The following RNF168 variants were observed in gnomAD, a reference collection of about 807,000 sequenced individuals.
The protein encoded by RNF168 is ring finger protein 168, also known as E3 ubiquitin-protein ligase RNF168.
In RNF168, 34 loss-of-function variants were observed where a neutral mutation model predicts 34.9. The observed-to-expected ratio is 0.97, with a 90% CI of 0.74 to 1.30. The LOEUF (loss-of-function observed/expected upper bound fraction) is 1.30. Among genes scored for constraint, RNF168 ranks in the 50% most tolerant of loss-of-function variants. The pLI, the probability that RNF168 is intolerant of heterozygous loss-of-function variation, is 0.00. For synonymous variants in RNF168, 264 were observed against 254.7 expected (o/e 1.04, Z -0.35); for missense variants, 725 against 682.5 (o/e 1.06, Z -0.69).
intron 1 of RNF168, among the ~76,000 whole-genome samples, chr3:196,497,493 A>G (rs147136479): frequency 6.6e-6 from 1 of 152,064 alleles, no homozygotes; most frequent in Non-Finnish European, 1.5e-5. Context: ...AACATGGTGA[A>G]GCCCCATCTC....
chr3:196,477,288 C>G (rs1732172982), intron 4 of RNF168, among the ~76,000 whole-genome samples: 1 of 152,056 alleles, frequency 6.6e-6, no homozygotes, highest in African/African-American at 2.4e-5. Flanking sequence ...GGGTGATTTT[C>G]AAAGAGCAGC....
At chr3:196,500,847 G>C (rs1029939374) in intron 1 of RNF168, among the ~76,000 whole-genome samples, 1 of 151,714 alleles carries the variant, frequency 6.6e-6, no homozygotes, top group African/African-American at 2.4e-5. Flanking sequence ...GAGTAGCTGG[G>C]ACTACAGGCG....
chr3:196,500,864 A>ACT, intron 1 of RNF168, among the ~76,000 whole-genome samples: 5 of 151,374 alleles, frequency 3.3e-5, no homozygotes, highest in African/African-American at 1.2e-4. Context: ...GGCGCGTGCC[A>ACT]ACATGCCCGG....
Position 196,503,554 on chromosome 3 carries a change from T to C in RNF168, c.-381A>G. 7.2e-6 allele frequency: 2 copies of C among 278,262 alleles called. No individual in the cohort carries two copies. Among genetic ancestry groups the C allele is most frequent in the Non-Finnish European group, 1.4e-5 (2 of 140,870 alleles). 17.2% of individuals were successfully genotyped at this position (278,262 alleles called of 1,614,324 possible). On this transcript the variant is annotated 5_prime_UTR_variant, in exon 1 of 6. Coordinates refer to ENST00000318037, the MANE Select transcript of RNF168 (RefSeq NM_152617.4). ...ACCCGGAAAGGATGCTCCGCTCAGC[T>C]CGGGGCAGCCGGGCCCCGGGACGCG...
chr3:196,475,734 T>C (rs1049888984), intron 4 of RNF168, among the ~76,000 whole-genome samples: 4 of 151,124 alleles, frequency 2.6e-5, no homozygotes, highest in South Asian at 2.1e-4. Context: ...GTATTTTTAG[T>C]AGAGACGAGG....
Position 196,500,719 on chromosome 3 carries a change from T to TC in RNF168, c.301+2153_301+2154insG, listed in dbSNP as rs537349631. Among the ~76,000 whole-genome samples the TC allele has an allele frequency of 1.6e-3, 246 of 149,862 alleles. 1 individual carries two copies. The highest frequency in any genetic ancestry group is 5.4e-3 in the African/African-American group (219 of 40,276). On this transcript the variant is annotated intron_variant, in intron 1 of 5. Coordinates refer to ENST00000318037, the MANE Select transcript of RNF168 (RefSeq NM_152617.4). ...TAATCTTGCTATATTTTACCACAATTTTTTTTTTTTGAAACGGAGTCTCGC... is the reference window on the plus strand; with the variant it reads ...TAATCTTGCTATATTTTACCACAATTCTTTTTTTTTTGAAACGGAGTCTCGC...
intron 4 of RNF168, among the ~76,000 whole-genome samples, chr3:196,475,740 C>T (rs1449786201): frequency 1.3e-4 from 20 of 151,174 alleles, no homozygotes; most frequent in African/African-American, 4.1e-4. Flanking sequence ...TTAGTAGAGA[C>T]GAGGTTTCAC....
chr3:196,473,837 C>A (rs1217972940), intron 5 of RNF168, among the ~76,000 whole-genome samples: 1 of 150,920 alleles, frequency 6.6e-6, no homozygotes, highest in Non-Finnish European at 1.5e-5. Context: ...AACAAACAAG[C>A]AAAAAAAAAA....
At chr3:196,500,220 A>G (rs1220102277) in intron 1 of RNF168, among the ~76,000 whole-genome samples, 1 of 152,258 alleles carries the variant, frequency 6.6e-6, no homozygotes, top group Non-Finnish European at 1.5e-5. Flanking sequence ...TCACACCAGC[A>G]TTATTTCTAA....
intron 1 of RNF168, among the ~76,000 whole-genome samples, chr3:196,493,323 A>G (rs115886366): frequency 0.02 from 3,018 of 152,342 alleles, 100 homozygotes; most frequent in African/African-American, 0.068. Context: ...GAGTTATTCA[A>G]CTGCAGACAC....
chr3:196,475,860 T>TC (rs1490734313), intron 4 of RNF168, among the ~76,000 whole-genome samples: 1 of 147,416 alleles, frequency 6.8e-6, no homozygotes, highest in Non-Finnish European at 1.5e-5. Context: ...AAATATTTTT[T>TC]TTTCTTTTCT....
Position 196,503,227 on chromosome 3 carries a change from C to G in RNF168, c.-54G>C. ...AACGACACCTGCACGAAAAAGAATC[C>G]TATTTTCGGCCAACCACAGAGAGAG... On this transcript the variant is annotated 5_prime_UTR_variant, in exon 1 of 6. Coordinates refer to ENST00000318037, the MANE Select transcript of RNF168 (RefSeq NM_152617.4). 2.6e-6 allele frequency: 4 copies of G among 1,516,316 alleles called. No individual in the cohort carries two copies. Among genetic ancestry groups the G allele is most frequent in the Non-Finnish European group, 3.7e-6 (4 of 1,092,606 alleles). The allele number at this position is 1,516,316 out of a possible 1,614,324, so 93.9% of individuals were successfully genotyped here.
intron 4 of RNF168, among the ~76,000 whole-genome samples, chr3:196,478,745 C>A (rs1401560568): frequency 6.6e-6 from 1 of 151,786 alleles, no homozygotes; most frequent in Non-Finnish European, 1.5e-5. Context: ...CTGCTCACTG[C>A]AACCTCTGCC....
intron 1 of RNF168, among the ~76,000 whole-genome samples, chr3:196,498,812 T>C (rs1278291373): frequency 6.6e-6 from 1 of 151,972 alleles, no homozygotes; most frequent in Non-Finnish European, 1.5e-5. Context: ...CTGGGCAACA[T>C]GGTGAAACCC....
rs112751769 is a variant in RNF168, at chr3:196,487,388, C to T, written c.558+11G>A. ...GATGACCATACCTTAGCGTTCCCTCCTAAAACTTACAATATCAATGCTTAG... is the reference window on the plus strand; with the variant it reads ...GATGACCATACCTTAGCGTTCCCTCTTAAAACTTACAATATCAATGCTTAG... On this transcript the variant is annotated intron_variant, in intron 3 of 5. Coordinates refer to ENST00000318037, the MANE Select transcript of RNF168 (RefSeq NM_152617.4). The T allele has an allele frequency of 2.2e-5, 36 of 1,612,102 alleles. No individual in the cohort carries two copies. Among genetic ancestry groups the T allele is most frequent in the African/African-American group, 2.1e-4 (16 of 75,020 alleles).
intron 5 of RNF168, chr3:196,474,990 G>A (rs757618243): frequency 1.7e-5 from 8 of 478,368 alleles, no homozygotes; most frequent in Non-Finnish European, 2.7e-5. Context: ...CACACTAACT[G>A]CAAAGGCGAA....
intron 1 of RNF168, among the ~76,000 whole-genome samples, chr3:196,495,145 C>G (rs991556573): frequency 2.0e-5 from 3 of 151,874 alleles, no homozygotes; most frequent in Admixed American, 6.6e-5. Flanking sequence ...CATTTAGATT[C>G]ATGAAGTTTT....
intron 1 of RNF168, among the ~76,000 whole-genome samples, chr3:196,498,786 G>A (rs1413799446): frequency 1.3e-5 from 2 of 152,050 alleles, no homozygotes; most frequent in African/African-American, 4.8e-5. Context: ...CCTGAGGTCA[G>A]GAGTTCGACA....
intron 5 of RNF168, among the ~76,000 whole-genome samples, chr3:196,474,050 C>A (rs1369508621): frequency 6.6e-6 from 1 of 151,946 alleles, no homozygotes; most frequent in East Asian, 1.9e-4. Flanking sequence ...CACCTTGGAG[C>A]TCTGCTGCTG....
Sources: allele counts gnomAD v4.1 joint callset (sites outside exome capture counted in the v4.1 genomes callset), GRCh38; gene constraint gnomAD v4.1.1; transcripts MANE v1.5; gene names NCBI Gene and HGNC (gene_info 2026-07-23, HGNC 2026-07-21).